Variants in CFAP100 observed in about 807,000 individuals in gnomAD.
CFAP100 encodes cilia- and flagella-associated protein 100.
Under a neutral mutation model 81.5 loss-of-function variants are expected in CFAP100, and 70 were observed. The ratio of observed to expected loss-of-function variants is 0.86; its 90% CI spans 0.71 to 1.05. The LOEUF (loss-of-function observed/expected upper bound fraction) is 1.05. CFAP100 is among the 50% of genes least tolerant of loss of function. The pLI is 0.00. For synonymous variants in CFAP100, 341 were observed against 314.8 expected (o/e 1.08, Z -0.88); for missense variants, 811 against 776.5 (o/e 1.04, Z -0.53).
At chr3:126,410,582 G>C (rs2083139032) in intron 3 of CFAP100, among the ~76,000 whole-genome samples, 1 of 151,814 alleles carries the variant, frequency 6.6e-6, no homozygotes, top group African/African-American at 2.4e-5. Flanking sequence ...GCTCACTGCA[G>C]CCTCGACCTC....
intron 5 of CFAP100, among the ~76,000 whole-genome samples, chr3:126,417,719 G>A (rs1215368431): frequency 6.6e-6 from 1 of 152,242 alleles, no homozygotes; most frequent in African/African-American, 2.4e-5. Context: ...GGCCCAGCCA[G>A]GGCCTCTGCC....
intron 13 of CFAP100, among the ~76,000 whole-genome samples, chr3:126,431,118 C>A (rs376270235): frequency 4.6e-5 from 7 of 152,316 alleles, no homozygotes; most frequent in African/African-American, 1.4e-4. Context: ...CATGTGTTGG[C>A]TGGTGGGGTC....
At chr3:126,409,570 A>G (rs1052122813) in intron 3 of CFAP100, among the ~76,000 whole-genome samples, 11 of 152,244 alleles carry the variant, frequency 7.2e-5, no homozygotes, top group African/African-American at 2.7e-4. Flanking sequence ...CAACAGGCAT[A>G]TGACTTCCAG....
chr3:126,432,254 G>T (rs1281602324), intron 13 of CFAP100, among the ~76,000 whole-genome samples: 3 of 125,254 alleles, frequency 2.4e-5, no homozygotes, highest in Non-Finnish European at 3.1e-5. Flanking sequence ...ACTCCACCCA[G>T]CCTGGGCGAC....
At chr3:126,407,055 G>A in intron 2 of CFAP100, 117 bp from the exon 3 acceptor site, 2 of 604,554 alleles carry the variant, frequency 3.3e-6, no homozygotes, top group South Asian at 2.3e-5. Flanking sequence ...TCTCACAGGG[G>A]AGGGAGCTGA....
In CFAP100 at chr3:126,416,334, A is replaced by T; in HGVS notation, c.244A>T (p.Thr82Ser). ...KALSERQQQK[T>S]MRVHQKMTYS... Reference sequence around the variant, plus strand: ...CCCCCAGGAACGGCAGCAGCAGAAGACGATGCGGGTGCACCAGAAGATGAC... The same window carrying T: ...CCCCCAGGAACGGCAGCAGCAGAAGTCGATGCGGGTGCACCAGAAGATGAC... The change falls in exon 5 of 17, where the codon ACG becomes TCG. Residue 82 changes from threonine to serine, a missense_variant. Transcript: ENST00000352312. 6.3e-7 allele frequency: 1 copy of T among 1,595,540 alleles called. No homozygotes were observed. The highest frequency in any genetic ancestry group is 8.6e-7 in the Non-Finnish European group (1 of 1,168,020).
At chr3:126,401,591 C>T (rs1437619790) in intron 2 of CFAP100, among the ~76,000 whole-genome samples, 3 of 150,822 alleles carry the variant, frequency 2.0e-5, no homozygotes, top group African/African-American at 7.3e-5. Context: ...ACAGGGGGAT[C>T]AGGAAGGCTT....
intron 3 of CFAP100, among the ~76,000 whole-genome samples, chr3:126,409,143 T>C (rs1363728998): frequency 6.6e-6 from 1 of 152,082 alleles, no homozygotes; most frequent in Non-Finnish European, 1.5e-5. Flanking sequence ...CCTATGAAGA[T>C]CTAGACCATT....
At chr3:126,405,346 C>T (rs1486558646) in intron 2 of CFAP100, among the ~76,000 whole-genome samples, 1 of 152,156 alleles carries the variant, frequency 6.6e-6, no homozygotes, top group African/African-American at 2.4e-5. Flanking sequence ...TGTATGTGTG[C>T]ATAAAATACT....
At chr3:126,406,457 G>A (rs577151302) in intron 2 of CFAP100, among the ~76,000 whole-genome samples, 5 of 152,234 alleles carry the variant, frequency 3.3e-5, no homozygotes, top group Admixed American at 6.5e-5. Context: ...CTCAGGCACC[G>A]ACCAGGATCT....
intron 14 of CFAP100, chr3:126,433,413 G>A: frequency 5.2e-6 from 3 of 576,972 alleles, no homozygotes; most frequent in South Asian, 4.5e-5. Flanking sequence ...CTCATCCATT[G>A]CTTCATTCTT....
At chr3:126,414,917 G>T (rs1006799031) in intron 4 of CFAP100, among the ~76,000 whole-genome samples, 3 of 152,176 alleles carry the variant, frequency 2.0e-5, no homozygotes, top group African/African-American at 7.2e-5. Context: ...TCACAGCTGT[G>T]GTTCCCAAGG....
At position 126,416,558 on chromosome 3, in the gene CFAP100, C is replaced by T. The variant is rs770518290; in HGVS notation, c.418+50C>T. ...ACCTGGGCCAGTGGCGTCCCACAAC[C>T]GCAGCTCAGGGGGCGCGCCTGGAAC... On this transcript the variant is annotated intron_variant, in intron 5 of 16. Coordinates refer to ENST00000352312, the MANE Select transcript of CFAP100 (RefSeq NM_182628.3). 10 of 1,445,980 alleles carry T rather than the reference C, an allele frequency of 6.9e-6. No homozygotes were observed. In the Admixed American group the frequency reaches 1.2e-4, roughly 18 times the overall value. The allele number at this position is 1,445,980 out of a possible 1,614,324, so 89.6% of individuals were successfully genotyped here.
At chr3:126,423,766 T>C in intron 13 of CFAP100, 122 bp downstream of exon 13, 1 of 1,235,980 alleles carries the variant, frequency 8.1e-7, no homozygotes, top group Non-Finnish European at 1.1e-6. Context: ...CTGGTCCAGG[T>C]TGTCTGAAAA....
chr3:126,420,535 G>A (rs1348899409), intron 11 of CFAP100: 2 of 418,500 alleles, frequency 4.8e-6, no homozygotes, highest in Admixed American at 8.1e-5. Flanking sequence ...TGGTTGTCTG[G>A]TCCTGGCCCT....
intron 2 of CFAP100, among the ~76,000 whole-genome samples, chr3:126,401,397 TTATATA>T (rs58055481): frequency 0.023 from 1,746 of 75,968 alleles, 20 homozygotes; most frequent in African/African-American, 0.025. Context: ...AAATCGTATT[TTATATA>T]TATATATATA....
At chr3:126,408,681 C>T (rs1197671794) in intron 3 of CFAP100, among the ~76,000 whole-genome samples, 3 of 152,170 alleles carry the variant, frequency 2.0e-5, no homozygotes, top group South Asian at 2.1e-4. Context: ...GCAGCACCCG[C>T]ATCTGCTGTG....
At position 126,434,265 on chromosome 3, in the gene CFAP100, G is replaced by A. The variant is rs566644003; in HGVS notation, c.1512G>A (p.Val504=). ...GTQQEANLGT[V]QMLTIIEHQL... is the part of the protein sequence containing the mutation. ...AGCAGGAGGCCAACCTGGGCACCGT[G>A]CAGATGCTGACCATCATTGAGCACC... The change falls in exon 15 of 17, where the codon GTG becomes GTA. Residue 504 remains valine (V), a synonymous_variant. Coordinates refer to ENST00000352312, the MANE Select transcript of CFAP100 (RefSeq NM_182628.3). 1.2e-6 allele frequency: 2 copies of A among 1,614,056 alleles called. No individual in the cohort carries two copies. The highest frequency in any genetic ancestry group is 2.7e-5 in the African/African-American group (2 of 75,068).
intron 11 of CFAP100, among the ~76,000 whole-genome samples, chr3:126,421,193 G>A (rs1376607219): frequency 6.6e-6 from 1 of 151,910 alleles, no homozygotes; most frequent in East Asian, 1.9e-4. Flanking sequence ...TAGTAGAGAC[G>A]GGGTTTTGCC....
Sources: allele counts gnomAD v4.1 joint callset (sites outside exome capture counted in the v4.1 genomes callset), GRCh38; gene constraint gnomAD v4.1.1; transcripts MANE v1.5; gene names NCBI Gene and HGNC (gene_info 2026-07-23, HGNC 2026-07-21).